Variants in PGBD2 observed in about 807,000 individuals in gnomAD.
PGBD2 encodes piggyBac transposable element derived 2.
Under a neutral mutation model 8.1 loss-of-function variants are expected in PGBD2, and 6 were observed. The observed-to-expected ratio is 0.74, with a 90% confidence interval of 0.40 to 1.46. The LOEUF (loss-of-function observed/expected upper bound fraction) is 1.46, where lower values mean the gene tolerates loss of function less well. Ranked by LOEUF, PGBD2 falls within the 40% of genes most tolerant of loss-of-function variation. The pLI is 0.02. For synonymous variants in PGBD2, 318 were observed against 272.2 expected, an observed-to-expected ratio of 1.17 and a Z score of -1.66; for missense variants, 802 against 739.0, an observed-to-expected ratio of 1.09 and a Z score of -0.99.
At chr1:248,892,048 G>A in the PGBD2 span, among the ~76,000 whole-genome samples, 1 of 152,230 alleles carries the variant, frequency 6.6e-6, no homozygotes, top group Non-Finnish European at 1.5e-5. Flanking sequence ...GTTTATTCAA[G>A]CACAAAGTTG....
upstream of PGBD2, among the ~76,000 whole-genome samples, chr1:248,901,377 C>A (rs1026828243): frequency 5.3e-5 from 8 of 152,148 alleles, no homozygotes; most frequent in Non-Finnish European, 1.0e-4. Flanking sequence ...CAGCATGGTA[C>A]TGGTACAAAA....
At chr1:248,928,090 T>G in the PGBD2 span, among the ~76,000 whole-genome samples, 1 of 152,180 alleles carries the variant, frequency 6.6e-6, no homozygotes. Flanking sequence ...GTTGTTTGCT[T>G]TTTTTAAAAA....
the PGBD2 span, among the ~76,000 whole-genome samples, chr1:248,892,465 C>T: frequency 1.3e-4 from 19 of 151,374 alleles, 1 homozygote; most frequent in Middle Eastern, 0.021. Flanking sequence ...AAAAAAAAAT[C>T]AGTGATTGGA....
chr1:248,908,695 T>TG (rs1661752828), intron 1 of PGBD2, among the ~76,000 whole-genome samples: 1 of 151,680 alleles, frequency 6.6e-6, no homozygotes, highest in Non-Finnish European at 1.5e-5. Context: ...TTTTTTTTTT[T>TG]TTTAAACTTC....
At chr1:248,920,495 G>A (rs1328428370), downstream of PGBD2, among the ~76,000 whole-genome samples, 1 of 152,116 alleles carries the variant, frequency 6.6e-6, no homozygotes, top group Non-Finnish European at 1.5e-5. Context: ...TTTTATGGCT[G>A]CATAGTATTC....
At chr1:248,910,170 A>T (rs1311889967) in intron 1 of PGBD2, among the ~76,000 whole-genome samples, 1 of 152,220 alleles carries the variant, frequency 6.6e-6, no homozygotes, top group Non-Finnish European at 1.5e-5. Context: ...AGTCATACTG[A>T]TGCATCCTTA....
downstream of PGBD2, among the ~76,000 whole-genome samples, chr1:248,922,732 T>C (rs1662312693): frequency 6.6e-6 from 1 of 152,224 alleles, no homozygotes; most frequent in African/African-American, 2.4e-5. Flanking sequence ...TTTTTGTCTT[T>C]GGTTCTGTTT....
Position 248,917,820 on chromosome 1 carries a change from C to T in PGBD2, c.1236C>T (p.Arg412=), listed in dbSNP as rs1662166976. 6.2e-7 allele frequency: 1 copy of T among 1,614,204 alleles called. No individual in the cohort carries two copies. Among genetic ancestry groups the T allele is most frequent in the East Asian group, 2.2e-5 (1 of 44,882 alleles). Residue 412 remains arginine (R), a synonymous_variant, in exon 3 of 3, where the codon CGC becomes CGT. Transcript: ENST00000329291. ...VDESEEIIVC[R]WHDSSVVNIC... ...AGAGTGAGGAGATCATCGTGTGCCG[C>T]TGGCACGATAGCAGCGTGGTCAACA...
At position 248,918,270 on chromosome 1, in the gene PGBD2, G is replaced by C. The variant is rs202023664; in HGVS notation, c.1686G>C (p.Arg562=). The C allele has an allele frequency of 6.2e-7, 1 of 1,611,140 alleles. No individual in the cohort carries two copies. Among genetic ancestry groups the C allele is most frequent in the African/African-American group, 1.3e-5 (1 of 74,910 alleles). Residue 562 remains arginine, a synonymous_variant, in exon 3 of 3, where the codon CGG becomes CGC. Coordinates refer to ENST00000329291, the MANE Select transcript of PGBD2 (RefSeq NM_170725.3). ...TTATCCATCAGGACAAGAGGACCCG[G>C]TGTGCCCTCTGCCACTCACAGACCA... The part of the protein sequence containing the change: ...HWIIHQDKRT[R]CALCHSQTNT...
the PGBD2 span, among the ~76,000 whole-genome samples, chr1:248,878,391 C>A: frequency 9.9e-5 from 15 of 152,074 alleles, no homozygotes; most frequent in South Asian, 1.7e-3. Context: ...GTTGGCCAGG[C>A]TGGTCTCGAA....
At chr1:248,901,415 A>G (rs934132687), upstream of PGBD2, among the ~76,000 whole-genome samples, 1 of 152,184 alleles carries the variant, frequency 6.6e-6, no homozygotes, top group African/African-American at 2.4e-5. Flanking sequence ...GGAACAGACT[A>G]GAGAACTCAG....
At chr1:248,911,819 C>G (rs908367543) in intron 1 of PGBD2, among the ~76,000 whole-genome samples, 10 of 151,932 alleles carry the variant, frequency 6.6e-5, no homozygotes, top group Admixed American at 2.0e-4. Flanking sequence ...AAAGCACCCT[C>G]TGGGTGCTCT....
At chr1:248,897,654 G>C in the PGBD2 span, among the ~76,000 whole-genome samples, 1 of 152,174 alleles carries the variant, frequency 6.6e-6, no homozygotes, top group Non-Finnish European at 1.5e-5. Flanking sequence ...GCATGCTGAA[G>C]CTTGAAAATT....
chr1:248,905,011 T>G (rs1474536487), upstream of PGBD2, among the ~76,000 whole-genome samples: 1 of 152,182 alleles, frequency 6.6e-6, no homozygotes, highest in African/African-American at 2.4e-5. Flanking sequence ...CTTGAATGAA[T>G]GAATGAGACA....
At chr1:248,911,729 C>G (rs6668044) in intron 1 of PGBD2, among the ~76,000 whole-genome samples, 1 of 143,820 alleles carries the variant, frequency 7.0e-6, no homozygotes, top group African/African-American at 2.8e-5. Flanking sequence ...CCGGACGGGG[C>G]GGCTGGCCGG....
Position 248,917,314 on chromosome 1 carries a change from A to G in PGBD2, c.730A>G (p.Lys244Glu). The part of the protein sequence containing the change: ...NELDASDRFA[K>E]VRPLIIRMNC... ...ACTTGATGCAAGTGATAGGTTTGCC[A>G]AGGTCAGACCTCTCATCATCCGGAT... is the stretch of plus-strand genomic sequence containing the variant. Residue 244 changes from lysine (K) to glutamate (E), a missense_variant, in exon 3 of 3, where the codon AAG becomes GAG. Coordinates refer to ENST00000329291, the MANE Select transcript of PGBD2 (RefSeq NM_170725.3). 1.2e-6 allele frequency: 2 copies of G among 1,614,224 alleles called. No homozygotes were observed. The highest frequency in any genetic ancestry group is 1.7e-6 in the Non-Finnish European group (2 of 1,180,028).
the PGBD2 span, among the ~76,000 whole-genome samples, chr1:248,878,512 G>C: frequency 6.6e-6 from 1 of 152,036 alleles, no homozygotes; most frequent in Non-Finnish European, 1.5e-5. Flanking sequence ...AGTTGATTAA[G>C]GTAAGAGTGG....
the PGBD2 span, among the ~76,000 whole-genome samples, chr1:248,896,647 G>A: frequency 2.6e-5 from 4 of 152,158 alleles, no homozygotes; most frequent in African/African-American, 9.7e-5. Flanking sequence ...AACTTTTAGA[G>A]GGAAGGGACA....
chr1:248,908,465 C>G (rs1252750189), intron 1 of PGBD2, among the ~76,000 whole-genome samples: 5 of 151,838 alleles, frequency 3.3e-5, no homozygotes, highest in Admixed American at 3.3e-4. Context: ...CAGCTTTCTC[C>G]CCTGCCCTAC....
Sources: allele counts gnomAD v4.1 joint callset (sites outside exome capture counted in the v4.1 genomes callset), GRCh38; gene constraint gnomAD v4.1.1; transcripts MANE v1.5; gene names NCBI Gene and HGNC (gene_info 2026-07-23, HGNC 2026-07-21).